Variants in STYXL1 observed in about 807,000 individuals in gnomAD.
STYXL1 encodes serine/threonine/tyrosine-interacting-like protein 1.
A neutral mutation model predicts 36.4 loss-of-function variants in STYXL1; 32 were observed. The ratio of observed to expected loss-of-function variants is 0.88; its 90% confidence interval spans 0.66 to 1.18. The LOEUF (loss-of-function observed/expected upper bound fraction) is 1.18, where lower values mean the gene tolerates loss of function less well. STYXL1 is among the 50% of genes most tolerant of loss of function. STYXL1 has a pLI of 0.00. For missense variants in STYXL1, 354 were observed against 394.1 expected (o/e 0.90, Z 0.86); for synonymous variants, 133 against 144.1 (o/e 0.92, Z 0.55).
At chr7:76,036,382 T>C (rs1335856628) in intron 1 of STYXL1, among the ~76,000 whole-genome samples, 1 of 150,188 alleles carries the variant, frequency 6.7e-6, no homozygotes, top group African/African-American at 2.4e-5. Context: ...ATTACAGGCG[T>C]GAGCCACCAC....
intron 4 of STYXL1, among the ~76,000 whole-genome samples, chr7:76,016,864 C>G (rs1196979669): frequency 6.6e-6 from 1 of 152,110 alleles, no homozygotes; most frequent in African/African-American, 2.4e-5. Context: ...TACCATTCAA[C>G]CCAGCAATCC....
Position 75,999,558 on chromosome 7 carries a change from T to A in STYXL1, c.810+1332A>T, listed in dbSNP as rs1486882096. On this transcript the variant is annotated intron_variant, in intron 8 of 8. Coordinates refer to ENST00000359697, the MANE Select transcript of STYXL1 (RefSeq NM_001317785.2). ...GTGTGTGTGTGTGTGTGTGTATATT[T>A]TTTTTTGAGACAGAGTTTCGCTCTT... is the stretch of plus-strand genomic sequence containing the variant. Among the ~76,000 whole-genome samples the A allele has an allele frequency of 3.6e-3, 549 of 151,146 alleles. 7 individuals carry two copies. The highest frequency in any genetic ancestry group is 8.6e-3 in the South Asian group (41 of 4,760).
At chr7:76,015,340 G>A (rs968781905) in intron 4 of STYXL1, among the ~76,000 whole-genome samples, 2 of 152,214 alleles carry the variant, frequency 1.3e-5, no homozygotes, top group South Asian at 2.1e-4. Context: ...AATGAAACTG[G>A]ACCCCTATCA....
Position 76,003,766 on chromosome 7 carries a change from T to G in STYXL1, c.689A>C (p.His230Pro), listed in dbSNP as rs1554568916. The stretch of plus-strand genomic sequence containing the variant: ...CAAGGAACGCTCCTTACCAATGAAG[T>G]GACACATGTGGCGTAAGAAGGGAAG... ...QILPFLRHMC[H>P]FIEIHHHLGS... Residue 230 changes from histidine to proline, a missense_variant, in exon 7 of 9, where the codon CAC (histidine) becomes CCC (proline). Physicochemically the swap from His to Pro is moderately conservative, Grantham distance 77 (BLOSUM62 -2). Coordinates refer to ENST00000359697, the MANE Select transcript of STYXL1 (RefSeq NM_001317785.2). The G allele has an allele frequency of 6.2e-7, 1 of 1,613,998 alleles. No individual in the cohort carries two copies. Among genetic ancestry groups the G allele is most frequent in the African/African-American group, 1.3e-5 (1 of 74,910 alleles).
intron 8 of STYXL1, among the ~76,000 whole-genome samples, chr7:75,998,028 C>T (rs1300408232): frequency 6.6e-6 from 1 of 152,082 alleles, no homozygotes; most frequent in African/African-American, 2.4e-5. Context: ...CAAAGTAATC[C>T]ACAGGTTTAA....
At chr7:76,039,249 T>A (rs1222186413) in intron 1 of STYXL1, among the ~76,000 whole-genome samples, 2 of 149,346 alleles carry the variant, frequency 1.3e-5, no homozygotes, top group Admixed American at 6.6e-5. Flanking sequence ...TAATTTTTTT[T>A]AGTTTCTGTA....
At chr7:76,003,549 C>A (rs1224027829) in intron 7 of STYXL1, among the ~76,000 whole-genome samples, 2 of 152,216 alleles carry the variant, frequency 1.3e-5, no homozygotes, top group Non-Finnish European at 2.9e-5. Context: ...GAGGTAAACA[C>A]CACGGTTGCT....
At chr7:76,025,920 C>T (rs953870135) in intron 3 of STYXL1, among the ~76,000 whole-genome samples, 3 of 150,932 alleles carry the variant, frequency 2.0e-5, no homozygotes, top group African/African-American at 2.4e-5. Flanking sequence ...AGGCCGGGCG[C>T]GGTGGCTCAC....
At chr7:75,999,086 C>G in intron 8 of STYXL1, 1 of 158,386 alleles carries the variant, frequency 6.3e-6, no homozygotes, top group South Asian at 1.5e-4. Flanking sequence ...TGCAGTGAGT[C>G]GAGATTGTGC....
chr7:76,043,087 G>T lies in STYXL1; in HGVS notation c.-5+4575C>A, dbSNP rs182038093. 4.5e-3 allele frequency among the ~76,000 whole-genome samples: 689 copies of T among 152,260 alleles called. 5 individuals are homozygous for T. The highest frequency in any genetic ancestry group is 0.015 in the African/African-American group (638 of 41,554). On this transcript the variant is annotated intron_variant, in intron 1 of 8. Transcript: ENST00000359697. ...AAGTGTTTCCCGTTGATCAGATATGGACCAGGCAGGGGAGAAGGCCAACTA... is the reference window on the plus strand; with the variant it reads ...AAGTGTTTCCCGTTGATCAGATATGTACCAGGCAGGGGAGAAGGCCAACTA...
intron 8 of STYXL1, 123 bp from the exon 9 acceptor site, chr7:75,996,722 G>A (rs1563451720): frequency 2.2e-6 from 2 of 916,468 alleles, no homozygotes; most frequent in Admixed American, 2.3e-5. Context: ...CTTAAGGGCT[G>A]GATGCAGAAA....
At chr7:76,024,987 TTC>T (rs1476434288) in intron 3 of STYXL1, among the ~76,000 whole-genome samples, 2 of 146,630 alleles carry the variant, frequency 1.4e-5, no homozygotes, top group Non-Finnish European at 3.0e-5. Flanking sequence ...GTACGACATA[TTC>T]TGTTTTCAAA....
At chr7:76,012,037 C>T (rs78344293) in intron 5 of STYXL1, among the ~76,000 whole-genome samples, 60 of 152,182 alleles carry the variant, frequency 3.9e-4, no homozygotes, top group African/African-American at 1.3e-3. Flanking sequence ...CAGTGGCTCA[C>T]GCCTCTAATC....
At chr7:76,016,520 C>T (rs1339388718) in intron 4 of STYXL1, among the ~76,000 whole-genome samples, 2 of 151,860 alleles carry the variant, frequency 1.3e-5, no homozygotes, top group African/African-American at 2.4e-5. Flanking sequence ...TATATATCTC[C>T]TATTAGTTCT....
At chr7:76,040,947 T>C (rs1554582057) in intron 1 of STYXL1, among the ~76,000 whole-genome samples, 2 of 152,064 alleles carry the variant, frequency 1.3e-5, no homozygotes, top group Non-Finnish European at 2.9e-5. Context: ...CTAGAGCAGC[T>C]ACAGAAAAAT....
intron 2 of STYXL1, 91 bp downstream of exon 2, chr7:76,030,330 C>G: frequency 1.1e-6 from 1 of 935,298 alleles, no homozygotes; most frequent in Non-Finnish European, 1.7e-6. Flanking sequence ...CATTCACTGC[C>G]CCCCACCCCG....
intron 3 of STYXL1, among the ~76,000 whole-genome samples, 191 bp from the exon 4 acceptor site, chr7:76,022,183 T>C (rs910358784): frequency 9.9e-5 from 15 of 152,108 alleles, no homozygotes; most frequent in Admixed American, 3.9e-4. Context: ...TCCACAACTG[T>C]GTTCCCTTCT....
chr7:76,030,288 C>T, intron 2 of STYXL1, 133 bp downstream of exon 2: 1 of 673,760 alleles, frequency 1.5e-6, no homozygotes, highest in African/African-American at 1.8e-5. Flanking sequence ...CGTGTGCCAC[C>T]ACACCCAGCC....
At chr7:76,031,639 CG>C in intron 1 of STYXL1, among the ~76,000 whole-genome samples, 1 of 149,644 alleles carries the variant, frequency 6.7e-6, no homozygotes, top group South Asian at 2.1e-4. Flanking sequence ...CACTTGAACC[CG>C]GGAGGCGGAG....
Sources: gnomAD v4.1 joint callset for allele counts (sites outside exome capture counted in the v4.1 genomes callset) on GRCh38, gnomAD v4.1.1 for gene constraint, MANE v1.5 for transcripts, NCBI Gene and HGNC (gene_info 2026-07-23, HGNC 2026-07-21) for gene names.